DTNB: variants seen among roughly 807,000 people sequenced by gnomAD.
DTNB encodes dystrobrevin beta.
In DTNB, 63 loss-of-function variants were observed where a neutral mutation model predicts 90.7. That is an observed-to-expected ratio of 0.69 (90% CI 0.57 to 0.86). DTNB has a LOEUF of 0.86. DTNB is among the 40% of genes least tolerant of loss of function. The probability of loss-of-function intolerance (pLI) is 0.00; values close to 1 mark genes in which losing one functional copy is unlikely to be tolerated. For missense variants in DTNB, 744 were observed against 807.1 expected (o/e 0.92, Z 0.95); for synonymous variants, 277 against 286.7 (o/e 0.97, Z 0.34).
At chr2:25,410,092 T>C (rs1172076896) in intron 16 of DTNB, among the ~76,000 whole-genome samples, 3 of 152,222 alleles carry the variant, frequency 2.0e-5, no homozygotes, top group Admixed American at 2.0e-4. Flanking sequence ...GTTAATGCTT[T>C]GCTGAGATTC....
chr2:25,465,815 C>A (rs1333947357), intron 10 of DTNB, among the ~76,000 whole-genome samples: 1 of 152,198 alleles, frequency 6.6e-6, no homozygotes, highest in Non-Finnish European at 1.5e-5. Flanking sequence ...CCCATTCACT[C>A]TCTATTTTTC....
chr2:25,556,587 T>C (rs975671868), intron 8 of DTNB, among the ~76,000 whole-genome samples: 59 of 152,302 alleles, frequency 3.9e-4, no homozygotes, highest in African/African-American at 1.4e-3. Context: ...AACTGAGGAC[T>C]TACAATCTAA....
At chr2:25,492,877 G>A (rs2067871769) in intron 9 of DTNB, among the ~76,000 whole-genome samples, 1 of 152,088 alleles carries the variant, frequency 6.6e-6, no homozygotes, top group Non-Finnish European at 1.5e-5. Flanking sequence ...AATGAATAAA[G>A]TCAGCTGAAG....
At chr2:25,640,410 G>A (rs547011004) in intron 2 of DTNB, among the ~76,000 whole-genome samples, 5 of 152,172 alleles carry the variant, frequency 3.3e-5, no homozygotes, top group Admixed American at 3.3e-4. Flanking sequence ...GGGGTTAAAG[G>A]AAGGATTTTT....
chr2:25,551,531 C>A (rs1216678895), intron 8 of DTNB, among the ~76,000 whole-genome samples: 2 of 152,170 alleles, frequency 1.3e-5, no homozygotes, highest in Non-Finnish European at 2.9e-5. Context: ...AGGGTCCCAG[C>A]AGTACTGAGA....
chr2:25,548,618 G>A (rs1386768751), intron 8 of DTNB, among the ~76,000 whole-genome samples: 1 of 152,078 alleles, frequency 6.6e-6, no homozygotes, highest in Non-Finnish European at 1.5e-5. Context: ...TGTGAGCGCA[G>A]TCAGCCTGGA....
chr2:25,529,233 G>T (rs753312689), intron 9 of DTNB, among the ~76,000 whole-genome samples: 2 of 152,170 alleles, frequency 1.3e-5, no homozygotes, highest in Non-Finnish European at 2.9e-5. Context: ...TTTGACAATG[G>T]TGGCATTGTA....
intron 8 of DTNB, among the ~76,000 whole-genome samples, chr2:25,545,402 T>C (rs1021941244): frequency 6.6e-6 from 1 of 152,216 alleles, no homozygotes; most frequent in East Asian, 1.9e-4. Context: ...AGCTCACCCT[T>C]AGCAGGGGTT....
intron 19 of DTNB, among the ~76,000 whole-genome samples, chr2:25,380,271 G>A (rs1406538774): frequency 6.6e-6 from 1 of 152,232 alleles, no homozygotes. Flanking sequence ...GACAGTTACA[G>A]ATCTCTGGTG....
In DTNB at chr2:25,424,277, T is replaced by A. The variant is rs182235575; in HGVS notation, c.1554+3258A>T. 2.1e-4 allele frequency among the ~76,000 whole-genome samples: 32 copies of A among 152,288 alleles called. No individual in the cohort carries two copies. The East Asian group carries it at 6.2e-3, about 29-fold the overall frequency. ...TGATATTTAAGAACCTGGCAGGGGATCCTACAGGGGCAGCAGTGTCCTGCT... is the reference window on the plus strand; with the variant it reads ...TGATATTTAAGAACCTGGCAGGGGAACCTACAGGGGCAGCAGTGTCCTGCT... On this transcript the variant is annotated intron_variant, in intron 15 of 20. Coordinates refer to ENST00000406818, the MANE Select transcript of DTNB (RefSeq NM_021907.5). This position sits in a 1 kb window ranked among gnomAD's most constrained non-coding sequence, Gnocchi z 4.1.
intron 6 of DTNB, among the ~76,000 whole-genome samples, chr2:25,594,233 C>T (rs2064128093): frequency 6.6e-6 from 1 of 152,174 alleles, no homozygotes; most frequent in Non-Finnish European, 1.5e-5. Flanking sequence ...AAAATGTGAA[C>T]TATGTTTCAT....
chr2:25,475,398 A>G (rs1202750469), intron 10 of DTNB, among the ~76,000 whole-genome samples: 1 of 152,252 alleles, frequency 6.6e-6, no homozygotes, highest in African/African-American at 2.4e-5. Context: ...AATTCTATGA[A>G]GGCTGAGAGA....
chr2:25,595,839 C>T (rs1250311361), intron 6 of DTNB, among the ~76,000 whole-genome samples: 4 of 152,134 alleles, frequency 2.6e-5, no homozygotes, highest in African/African-American at 9.7e-5. Context: ...TGTTCTTAAA[C>T]ATTTTTCTTT....
intron 16 of DTNB, among the ~76,000 whole-genome samples, chr2:25,410,711 G>C (rs1179078623): frequency 6.6e-6 from 1 of 152,098 alleles, no homozygotes; most frequent in Admixed American, 6.5e-5. Flanking sequence ...GGGGGCAATG[G>C]TTTAAAGGCA....
At position 25,424,412 on chromosome 2, in the gene DTNB, A is replaced by G. The variant is rs2050808240; in HGVS notation, c.1554+3123T>C. On this transcript the variant is annotated intron_variant, in intron 15 of 20. Coordinates refer to ENST00000406818, the MANE Select transcript of DTNB (RefSeq NM_021907.5). The surrounding 1 kb of genome is among the most constrained non-coding windows in gnomAD (Gnocchi z 4.1). ...CCTTGAATACAAGCATCAGCGGTAC[A>G]CTAGAAGGCCACAGTGGCATGCATG... 6.6e-6 allele frequency among the ~76,000 whole-genome samples: 1 copy of G among 152,164 alleles called. No individual in the cohort carries two copies. The highest frequency in any genetic ancestry group is 6.5e-5 in the Admixed American group (1 of 15,272).
intron 2 of DTNB, among the ~76,000 whole-genome samples, chr2:25,642,832 C>T (rs890698518): frequency 2.6e-5 from 4 of 151,698 alleles, no homozygotes; most frequent in Non-Finnish European, 4.4e-5. Flanking sequence ...CAGCTCACTG[C>T]AACTTCTGCC....
intron 4 of DTNB, among the ~76,000 whole-genome samples, chr2:25,627,702 C>T (rs2148705900): frequency 6.6e-6 from 1 of 151,476 alleles, no homozygotes; most frequent in Non-Finnish European, 1.5e-5. Context: ...CACTGTGAAC[C>T]AGTTTCTAGA....
chr2:25,465,776 C>T (rs1177037623), intron 10 of DTNB, among the ~76,000 whole-genome samples: 4 of 152,198 alleles, frequency 2.6e-5, no homozygotes, highest in African/African-American at 9.7e-5. Flanking sequence ...CTTCCCTGAT[C>T]ATCCAATCTA....
chr2:25,605,065 T>A (rs1008733009), intron 5 of DTNB, among the ~76,000 whole-genome samples: 13 of 152,358 alleles, frequency 8.5e-5, no homozygotes, highest in African/African-American at 2.9e-4. Flanking sequence ...TAAAGTGTTT[T>A]CCACCTTGGA....
Sources: allele counts gnomAD v4.1 joint callset (sites outside exome capture counted in the v4.1 genomes callset), GRCh38; gene constraint gnomAD v4.1.1; non-coding constraint Gnocchi (gnomAD v3.1); transcripts MANE v1.5; gene names NCBI Gene and HGNC (gene_info 2026-07-23, HGNC 2026-07-21).